SPHKAP: variants seen among roughly 807,000 people sequenced by gnomAD.
SPHKAP encodes the protein A-kinase anchor protein SPHKAP.
A neutral mutation model predicts 137.5 loss-of-function variants in SPHKAP; 67 were observed. The observed-to-expected ratio is 0.49, with a 90% CI of 0.40 to 0.60. The LOEUF (loss-of-function observed/expected upper bound fraction) is 0.60. Among genes scored for constraint, SPHKAP ranks in the 20% least tolerant of loss-of-function variants. The pLI, the probability that SPHKAP is intolerant of heterozygous loss-of-function variation, is 0.00. For synonymous variants in SPHKAP, 813 were observed against 785.3 expected (o/e 1.04, Z -0.59); for missense variants, 2,097 against 2,069.3 (o/e 1.01, Z -0.26).
At chr2:228,025,318 G>GT in intron 5 of SPHKAP, 76 bp downstream of exon 5, 1 of 1,441,902 alleles carries the variant, frequency 6.9e-7, no homozygotes, top group Non-Finnish European at 9.3e-7. Context: ...TGTAGCATCT[G>GT]TTTGGGGTTT....
intron 9 of SPHKAP, 178 bp from the exon 10 acceptor site, chr2:227,991,504 T>G: frequency 1.0e-6 from 1 of 985,458 alleles, no homozygotes; most frequent in Non-Finnish European, 1.2e-6. Flanking sequence ...GTAAGATCAC[T>G]GGGTCTGCAA....
chr2:228,122,002 A>G (rs1406089958), intron 2 of SPHKAP, among the ~76,000 whole-genome samples: 1 of 152,100 alleles, frequency 6.6e-6, no homozygotes, highest in Non-Finnish European at 1.5e-5. Context: ...CTGAAAGAAA[A>G]CAGAGGAGAC....
chr2:228,037,239 T>A (rs1695656228), intron 3 of SPHKAP, among the ~76,000 whole-genome samples: 1 of 152,246 alleles, frequency 6.6e-6, no homozygotes, highest in African/African-American at 2.4e-5. Flanking sequence ...CATTTCTGAT[T>A]TTCAATGCTG....
intron 1 of SPHKAP, among the ~76,000 whole-genome samples, chr2:228,168,574 A>G (rs1191670038): frequency 1.3e-5 from 2 of 152,224 alleles, no homozygotes; most frequent in African/African-American, 4.8e-5. Flanking sequence ...AGGCAAACTT[A>G]ATCGACAAAT....
intron 3 of SPHKAP, among the ~76,000 whole-genome samples, chr2:228,072,527 A>T (rs2106303252): frequency 6.6e-6 from 1 of 152,228 alleles, no homozygotes; most frequent in East Asian, 1.9e-4. Flanking sequence ...ACAATGTACT[A>T]TTGACACGTG....
chr2:228,002,244 T>C (rs1278797142), intron 7 of SPHKAP, among the ~76,000 whole-genome samples: 1 of 152,182 alleles, frequency 6.6e-6, no homozygotes, highest in African/African-American at 2.4e-5. Flanking sequence ...GTTTCCTGAC[T>C]TTTTAATGAT....
chr2:228,115,349 C>T (rs563904774), intron 2 of SPHKAP, among the ~76,000 whole-genome samples: 2 of 152,190 alleles, frequency 1.3e-5, no homozygotes, highest in East Asian at 1.9e-4. Context: ...CACACAAACT[C>T]CCTCCTTCCC....
At chr2:228,028,215 T>C (rs1695134191) in intron 3 of SPHKAP, among the ~76,000 whole-genome samples, 1 of 152,210 alleles carries the variant, frequency 6.6e-6, no homozygotes, top group African/African-American at 2.4e-5. Flanking sequence ...AAGCCTCTGT[T>C]TGTAATTGCA....
intron 11 of SPHKAP, among the ~76,000 whole-genome samples, chr2:227,985,256 T>C (rs1454431995): frequency 6.6e-6 from 1 of 152,116 alleles, no homozygotes; most frequent in Non-Finnish European, 1.5e-5. Flanking sequence ...CTGGCCCCAC[T>C]AAATAGAGCA....
At chr2:228,138,615 A>G (rs1017139146) in intron 1 of SPHKAP, among the ~76,000 whole-genome samples, 3 of 152,166 alleles carry the variant, frequency 2.0e-5, no homozygotes, top group Admixed American at 2.0e-4. Flanking sequence ...CTATTACCAA[A>G]CCTTGAAAAT....
At chr2:228,170,721 T>G (rs1559213322) in intron 1 of SPHKAP, among the ~76,000 whole-genome samples, 1 of 152,110 alleles carries the variant, frequency 6.6e-6, no homozygotes, top group Admixed American at 6.6e-5. Context: ...TACACATAAC[T>G]TTTGAATCCC....
In SPHKAP at chr2:228,063,158, A is replaced by ATCTATCTGTCTG. The variant is rs1553536363; in HGVS notation, c.247-35616_247-35615insCAGACAGATAGA. On this transcript the variant is annotated intron_variant, in intron 3 of 11. Coordinates refer to ENST00000392056, the MANE Select transcript of SPHKAP (RefSeq NM_001142644.2). ...TAGATAGATCCCTATCTATCTATCTATCTATCTATCTATCTATCTGTCTGT... is the reference window on the plus strand; with the variant it reads ...TAGATAGATCCCTATCTATCTATCTATCTATCTGTCTGTCTATCTATCTATCTATCTGTCTGT... 2.8e-5 allele frequency among the ~76,000 whole-genome samples: 4 copies of ATCTATCTGTCTG among 140,492 alleles called. 1 individual carries two copies. The highest frequency in any genetic ancestry group is 7.0e-5 in the Admixed American group (1 of 14,236). 92.2% of individuals were successfully genotyped at this position (140,492 alleles called of 152,430 possible).
chr2:228,145,435 G>A (rs1299213593), intron 1 of SPHKAP, among the ~76,000 whole-genome samples: 1 of 152,110 alleles, frequency 6.6e-6, no homozygotes, highest in African/African-American at 2.4e-5. Flanking sequence ...AACCAAACAT[G>A]CAGCATGTTG....
intron 3 of SPHKAP, among the ~76,000 whole-genome samples, chr2:228,088,214 A>T (rs1375559853): frequency 2.6e-5 from 4 of 152,176 alleles, no homozygotes; most frequent in Non-Finnish European, 2.9e-5. Flanking sequence ...TGGATTCTTT[A>T]ATAGGCATAA....
chr2:227,987,771 A>T (rs916573369), intron 11 of SPHKAP, among the ~76,000 whole-genome samples: 19 of 152,220 alleles, frequency 1.2e-4, no homozygotes, highest in African/African-American at 4.6e-4. Context: ...AATTCCTGAG[A>T]CCCTGTTCCC....
At chr2:228,144,739 G>A (rs1320061122) in intron 1 of SPHKAP, among the ~76,000 whole-genome samples, 1 of 152,080 alleles carries the variant, frequency 6.6e-6, no homozygotes, top group Admixed American at 6.6e-5. Flanking sequence ...ATTAAATAAT[G>A]CTTTCCTTTG....
intron 4 of SPHKAP, chr2:228,025,985 T>C (rs981344693): frequency 2.6e-4 from 102 of 396,718 alleles, no homozygotes; most frequent in Non-Finnish European, 3.4e-4. Flanking sequence ...TGGGAGATGA[T>C]TGGATCATGG....
At chr2:228,042,044 G>C (rs1695872556) in intron 3 of SPHKAP, among the ~76,000 whole-genome samples, 2 of 152,094 alleles carry the variant, frequency 1.3e-5, no homozygotes, top group East Asian at 3.9e-4. Flanking sequence ...AAGGGCCCAA[G>C]TAGGAGAGAG....
chr2:228,134,508 T>A (rs1306837578), intron 1 of SPHKAP, among the ~76,000 whole-genome samples: 1 of 152,222 alleles, frequency 6.6e-6, no homozygotes, highest in Non-Finnish European at 1.5e-5. Context: ...AATGTGGGCC[T>A]ATAACTTTTT....
Sources: allele counts gnomAD v4.1 joint callset (sites outside exome capture counted in the v4.1 genomes callset), GRCh38; gene constraint gnomAD v4.1.1; transcripts MANE v1.5; gene names NCBI Gene and HGNC (gene_info 2026-07-23, HGNC 2026-07-21).